The following FRMD5 variants were observed in gnomAD, a reference collection of about 807,000 sequenced individuals.
FRMD5 encodes the protein FERM domain-containing protein 5.
A neutral mutation model predicts 69.0 loss-of-function variants in FRMD5; 20 were observed. The observed-to-expected ratio is 0.29, with a 90% confidence interval of 0.20 to 0.42. The LOEUF (loss-of-function observed/expected upper bound fraction) is 0.42, where lower values mean the gene tolerates loss of function less well. Among genes scored for constraint, FRMD5 ranks in the 10% least tolerant of loss-of-function variants. The pLI is 1.00. For synonymous variants in FRMD5, 271 were observed against 260.1 expected, an observed-to-expected ratio of 1.04 and a Z score of -0.40; for missense variants, 595 against 708.6, an observed-to-expected ratio of 0.84 and a Z score of 1.82.
chr15:44,126,167 T>A (rs1200202162), intron 1 of FRMD5, among the ~76,000 whole-genome samples: 1 of 152,222 alleles, frequency 6.6e-6, no homozygotes, highest in Non-Finnish European at 1.5e-5. Context: ...TTTTCTCCTT[T>A]TCTCTTATAT....
At chr15:43,891,924 C>T (rs888864085) in intron 8 of FRMD5, 57 bp downstream of exon 8, 22 of 1,415,874 alleles carry the variant, frequency 1.6e-5, no homozygotes, top group Non-Finnish European at 1.9e-5. Flanking sequence ...CGGGAACCGT[C>T]GCCCCTCCCC....
chr15:44,149,307 CACT>C (rs2077407145), intron 1 of FRMD5, among the ~76,000 whole-genome samples: 1 of 149,864 alleles, frequency 6.7e-6, no homozygotes, highest in Admixed American at 6.6e-5. Context: ...GTAAATAATT[CACT>C]ACAAAAAGTC....
intron 1 of FRMD5, among the ~76,000 whole-genome samples, chr15:44,068,275 A>G (rs1434501244): frequency 6.6e-6 from 1 of 152,236 alleles, no homozygotes; most frequent in African/African-American, 2.4e-5. Context: ...ATATAGCCAC[A>G]CAAACTTGCG....
chr15:43,953,344 G>A (rs1421520954), intron 1 of FRMD5, among the ~76,000 whole-genome samples: 3 of 152,154 alleles, frequency 2.0e-5, no homozygotes, highest in Non-Finnish European at 4.4e-5. Flanking sequence ...GATTTTCTCT[G>A]GTAGCATCCC....
At chr15:44,077,100 A>G (rs565560011) in intron 1 of FRMD5, among the ~76,000 whole-genome samples, 6 of 152,154 alleles carry the variant, frequency 3.9e-5, no homozygotes, top group African/African-American at 1.2e-4. Context: ...CTCTTGGAAC[A>G]TTTTCCCTGG....
At chr15:44,174,975 G>A (rs1367771388) in intron 1 of FRMD5, among the ~76,000 whole-genome samples, 1 of 152,116 alleles carries the variant, frequency 6.6e-6, no homozygotes, top group Non-Finnish European at 1.5e-5. Flanking sequence ...AAACCTAGAT[G>A]ACAGGTTGAT....
intron 1 of FRMD5, among the ~76,000 whole-genome samples, chr15:44,090,752 T>C (rs2076460493): frequency 6.6e-6 from 1 of 152,206 alleles, no homozygotes; most frequent in Admixed American, 6.6e-5. Flanking sequence ...ATAACTGCAA[T>C]TTTCTTCTGA....
At chr15:43,925,036 G>A (rs557869042) in intron 1 of FRMD5, among the ~76,000 whole-genome samples, 4 of 130,120 alleles carry the variant, frequency 3.1e-5, no homozygotes, top group East Asian at 4.4e-4. Flanking sequence ...ATGGAGTCTC[G>A]TTCTGTCTCC....
intron 1 of FRMD5, among the ~76,000 whole-genome samples, chr15:44,034,777 G>A (rs998043628): frequency 6.6e-6 from 1 of 152,098 alleles, no homozygotes; most frequent in Non-Finnish European, 1.5e-5. Context: ...AGCTGAGGGG[G>A]GAAGAGAAGA....
intron 1 of FRMD5, among the ~76,000 whole-genome samples, chr15:44,076,665 C>A (rs989238061): frequency 6.8e-6 from 1 of 147,190 alleles, no homozygotes; most frequent in African/African-American, 2.5e-5. Flanking sequence ...GGAGATATAC[C>A]TAATGCTAGA....
At chr15:44,155,838 G>T (rs550096558) in intron 1 of FRMD5, among the ~76,000 whole-genome samples, 17 of 151,772 alleles carry the variant, frequency 1.1e-4, no homozygotes, top group African/African-American at 4.1e-4. Context: ...CAAGTGATCC[G>T]CCCGCCTCAG....
chr15:44,026,200 C>T (rs1285453661), intron 1 of FRMD5, among the ~76,000 whole-genome samples: 1 of 152,206 alleles, frequency 6.6e-6, no homozygotes, highest in Non-Finnish European at 1.5e-5. Context: ...AGGCTGGTCT[C>T]AAACTGCTGA....
At chr15:44,097,390 C>T (rs574548765) in intron 1 of FRMD5, among the ~76,000 whole-genome samples, 7 of 152,324 alleles carry the variant, frequency 4.6e-5, no homozygotes, top group African/African-American at 1.7e-4. Context: ...GACAAGCAGT[C>T]TGGGCCTTAG....
At chr15:44,057,216 C>A (rs1348270771) in intron 1 of FRMD5, among the ~76,000 whole-genome samples, 6 of 151,766 alleles carry the variant, frequency 4.0e-5, no homozygotes, top group Admixed American at 3.9e-4. Context: ...CCTCTGGCTC[C>A]GGGGTTCAAG....
intron 1 of FRMD5, among the ~76,000 whole-genome samples, chr15:44,057,452 A>T (rs1892919889): frequency 6.6e-6 from 1 of 152,212 alleles, no homozygotes; most frequent in African/African-American, 2.4e-5. Flanking sequence ...ATGGTCAAGC[A>T]TATGTACTTG....
chr15:44,021,690 C>G (rs1891214914), intron 1 of FRMD5, among the ~76,000 whole-genome samples: 1 of 151,966 alleles, frequency 6.6e-6, no homozygotes, highest in Non-Finnish European at 1.5e-5. Context: ...GAAACTAGAA[C>G]TCTTATATAT....
chr15:44,012,254 G>C (rs144631394), intron 1 of FRMD5, among the ~76,000 whole-genome samples: 1 of 152,216 alleles, frequency 6.6e-6, no homozygotes, highest in Non-Finnish European at 1.5e-5. Context: ...AGGGCTGACT[G>C]TAAGTGCACC....
intron 1 of FRMD5, among the ~76,000 whole-genome samples, chr15:44,007,637 A>ATTTTTTTTTTTTT (rs35512441): frequency 6.2e-5 from 5 of 81,146 alleles, no homozygotes; most frequent in Non-Finnish European, 8.7e-5. Context: ...TAATTAACTA[A>ATTTTTTTTTTTTT]TTTTTTTTTT....
chr15:44,008,315 G>C (rs941899754), intron 1 of FRMD5, among the ~76,000 whole-genome samples: 3 of 152,010 alleles, frequency 2.0e-5, no homozygotes, highest in Middle Eastern at 3.2e-3. Flanking sequence ...CCAGGCTGGA[G>C]TATAGTGGCA....
Sources: allele counts gnomAD v4.1 joint callset (sites outside exome capture counted in the v4.1 genomes callset), GRCh38; gene constraint gnomAD v4.1.1; transcripts MANE v1.5; gene names NCBI Gene and HGNC (gene_info 2026-07-23, HGNC 2026-07-21).